The following SHOC2 variants were observed in gnomAD, a reference collection of about 807,000 sequenced individuals.
The protein encoded by SHOC2 is leucine-rich repeat protein SHOC-2.
A neutral mutation model predicts 50.2 loss-of-function variants in SHOC2; 4 were observed. That is an observed-to-expected ratio of 0.08 (90% CI 0.04 to 0.18). The LOEUF is 0.18. Ranked by LOEUF, SHOC2 falls within the 10% of genes least tolerant of loss-of-function variation. The pLI, the probability that SHOC2 is intolerant of heterozygous loss-of-function variation, is 1.00. For missense variants in SHOC2, 388 were observed against 669.6 expected, an observed-to-expected ratio of 0.58 and a Z score of 4.64; for synonymous variants, 218 against 244.5, an observed-to-expected ratio of 0.89 and a Z score of 1.01.
chr10:110,939,444 T>A (rs1400342861), intron 1 of SHOC2, among the ~76,000 whole-genome samples: 1 of 152,168 alleles, frequency 6.6e-6, no homozygotes, highest in African/African-American at 2.4e-5. Flanking sequence ...GGTCTCGAAC[T>A]TCTGGCCTCA....
intron 1 of SHOC2, among the ~76,000 whole-genome samples, chr10:110,930,262 A>G (rs1846864839): frequency 6.6e-6 from 1 of 152,206 alleles, no homozygotes; most frequent in Non-Finnish European, 1.5e-5. Context: ...AATCATGGCA[A>G]CTTACTAAAT....
At chr10:110,957,534 C>T (rs1364192312) in intron 1 of SHOC2, among the ~76,000 whole-genome samples, 1 of 137,868 alleles carries the variant, frequency 7.3e-6, no homozygotes, top group African/African-American at 2.7e-5. Context: ...ATGAAGATAC[C>T]CCCCCCCCAG....
At chr10:111,007,415 A>G (rs1848490391) in intron 5 of SHOC2, 116 bp from the exon 6 acceptor site, 8 of 1,202,540 alleles carry the variant, frequency 6.7e-6, no homozygotes, top group Middle Eastern at 2.0e-4. Flanking sequence ...ATATTTAAAT[A>G]TCAAAAAGGG....
At chr10:110,973,153 G>A (rs190437157) in intron 2 of SHOC2, among the ~76,000 whole-genome samples, 18 of 152,266 alleles carry the variant, frequency 1.2e-4, no homozygotes, top group African/African-American at 4.3e-4. Context: ...AAACTTGTGG[G>A]ACAAGTGTTT....
At chr10:110,981,793 C>T (rs9703807) in intron 2 of SHOC2, among the ~76,000 whole-genome samples, 95,040 of 151,292 alleles carry the variant, frequency 0.63, 32,966 homozygotes, top group Non-Finnish European at 0.79. Context: ...TAATCCTAAT[C>T]ATTCTCGGTC....
At chr10:110,935,460 AT>A (rs1846988441) in intron 1 of SHOC2, among the ~76,000 whole-genome samples, 1 of 152,214 alleles carries the variant, frequency 6.6e-6, no homozygotes, top group South Asian at 2.1e-4. Context: ...GTTGGTGGAC[AT>A]TTAGGTGTTT....
At chr10:110,959,946 C>A (rs1391297539) in intron 1 of SHOC2, among the ~76,000 whole-genome samples, 1 of 152,156 alleles carries the variant, frequency 6.6e-6, no homozygotes, top group Non-Finnish European at 1.5e-5. Flanking sequence ...CTTGGCAGCC[C>A]CTAAGAGTAC....
intron 1 of SHOC2, among the ~76,000 whole-genome samples, chr10:110,930,647 G>T (rs1202840498): frequency 6.7e-6 from 1 of 150,338 alleles, no homozygotes; most frequent in Non-Finnish European, 1.5e-5. Flanking sequence ...GAAAAGTAAA[G>T]TATATCTTGG....
intron 1 of SHOC2, among the ~76,000 whole-genome samples, chr10:110,932,150 A>C (rs1476345492): frequency 6.6e-6 from 1 of 152,200 alleles, no homozygotes; most frequent in East Asian, 1.9e-4. Context: ...AAAGTCCTTG[A>C]GACAGGAGAT....
At position 110,999,038 on chromosome 10, in the gene SHOC2, G is replaced by A. The variant is rs140652956; in HGVS notation, c.842-1377G>A. 4.5e-3 allele frequency among the ~76,000 whole-genome samples: 692 copies of A among 152,342 alleles called. 27 individuals are homozygous for A. The South Asian group carries it at 0.093, about 20-fold the overall frequency. On this transcript the variant is annotated intron_variant, in intron 3 of 8. Transcript: ENST00000369452. ...TTGAACAATGATTAAAGCAAAAGGA[G>A]AGAAATGGACATCAAGAGGTTGTGA...
chr10:110,925,992 T>C (rs756602629), intron 1 of SHOC2, among the ~76,000 whole-genome samples: 5 of 152,200 alleles, frequency 3.3e-5, no homozygotes, highest in Admixed American at 6.5e-5. Context: ...AGATTACTTA[T>C]AGGAAACTAA....
intron 1 of SHOC2, among the ~76,000 whole-genome samples, chr10:110,933,362 A>G (rs1039106463): frequency 6.6e-6 from 1 of 152,030 alleles, no homozygotes; most frequent in Admixed American, 6.5e-5. Context: ...AATTTTATAT[A>G]TATTTATGAT....
At chr10:110,940,940 T>TGACAGGG (rs1847130336) in intron 1 of SHOC2, among the ~76,000 whole-genome samples, 1 of 33,994 alleles carries the variant, frequency 2.9e-5, no homozygotes, top group African/African-American at 1.1e-4. Context: ...TTTTTTTTTT[T>TGACAGGG]TTTTTTTTGT....
intron 1 of SHOC2, among the ~76,000 whole-genome samples, chr10:110,942,612 A>G (rs1847169278): frequency 6.6e-6 from 1 of 152,196 alleles, no homozygotes; most frequent in Non-Finnish European, 1.5e-5. Flanking sequence ...CAACTGGCTC[A>G]GGTTTTGATA....
intron 3 of SHOC2, among the ~76,000 whole-genome samples, chr10:110,992,060 G>A (rs1848194809): frequency 6.6e-6 from 1 of 152,078 alleles, no homozygotes; most frequent in African/African-American, 2.4e-5. Flanking sequence ...GTATTTACTT[G>A]CCTTTTCCTT....
chr10:110,998,685 G>A (rs1848313445), intron 3 of SHOC2, among the ~76,000 whole-genome samples: 1 of 147,128 alleles, frequency 6.8e-6, no homozygotes, highest in Non-Finnish European at 1.5e-5. Flanking sequence ...AAGAATTGAA[G>A]TGGTGGTTAC....
chr10:110,943,216 T>C (rs891327181), intron 1 of SHOC2, among the ~76,000 whole-genome samples: 2 of 152,030 alleles, frequency 1.3e-5, no homozygotes, highest in Admixed American at 6.5e-5. Flanking sequence ...CACTTCATGA[T>C]ATTCCACAGG....
intron 6 of SHOC2, among the ~76,000 whole-genome samples, 154 bp from the exon 7 acceptor site, chr10:111,009,094 T>TA (rs1211107334): frequency 3.9e-5 from 6 of 152,114 alleles, no homozygotes; most frequent in Non-Finnish European, 5.9e-5. Context: ...TTTAGAAAAG[T>TA]AAGTTAAATA....
intron 2 of SHOC2, among the ~76,000 whole-genome samples, chr10:110,981,693 C>T (rs557218886): frequency 8.5e-5 from 13 of 152,164 alleles, no homozygotes; most frequent in African/African-American, 3.1e-4. Flanking sequence ...TTGTATGAAT[C>T]ATCAAATGAT....
Sources: gnomAD v4.1 joint callset for allele counts (sites outside exome capture counted in the v4.1 genomes callset) on GRCh38, gnomAD v4.1.1 for gene constraint, MANE v1.5 for transcripts, NCBI Gene and HGNC (gene_info 2026-07-23, HGNC 2026-07-21) for gene names.